The following CTNNA2 variants were observed in gnomAD, a reference collection of about 807,000 sequenced individuals.
CTNNA2 encodes catenin alpha 2, also known as catenin alpha-2.
In CTNNA2, 42 loss-of-function variants were observed where a neutral mutation model predicts 101.0. The ratio of observed to expected loss-of-function variants is 0.42; its 90% CI spans 0.32 to 0.54. CTNNA2 has a LOEUF of 0.54. Among genes scored for constraint, CTNNA2 ranks in the 20% least tolerant of loss-of-function variants. The probability of loss-of-function intolerance (pLI) is 0.14; values close to 1 mark genes in which losing one functional copy is unlikely to be tolerated. For synonymous variants in CTNNA2, 450 were observed against 456.4 expected (o/e 0.99, Z 0.18); for missense variants, 871 against 1,223.1 (o/e 0.71, Z 4.29).
At chr2:80,459,064 G>A (rs879283205) in intron 9 of CTNNA2, among the ~76,000 whole-genome samples, 1 of 152,128 alleles carries the variant, frequency 6.6e-6, no homozygotes, top group Non-Finnish European at 1.5e-5. Context: ...GTATTCAATA[G>A]AGTAACATGC....
At chr2:79,867,206 GATCCTTGACTGTTCAAA>G (rs1331121563) in intron 4 of CTNNA2, among the ~76,000 whole-genome samples, 5 of 152,144 alleles carry the variant, frequency 3.3e-5, no homozygotes, top group East Asian at 1.9e-4. Context: ...AAGGACAAAA[GATCCTTGACTGTTCAAA>G]ATCCTTGACT....
At chr2:79,292,289 A>G (rs1207477956) in intron 2 of CTNNA2, among the ~76,000 whole-genome samples, 3 of 152,166 alleles carry the variant, frequency 2.0e-5, no homozygotes, top group Non-Finnish European at 2.9e-5. Context: ...CCCTGGGGCT[A>G]AAAACTGAAT....
At chr2:80,059,558 A>T (rs1259515456) in intron 7 of CTNNA2, among the ~76,000 whole-genome samples, 4 of 152,196 alleles carry the variant, frequency 2.6e-5, no homozygotes, top group African/African-American at 4.8e-5. Flanking sequence ...GGATACTAGC[A>T]CACTGTTAGG....
intron 3 of CTNNA2, among the ~76,000 whole-genome samples, chr2:79,820,479 T>C (rs1232043685): frequency 2.0e-5 from 3 of 152,216 alleles, no homozygotes; most frequent in Admixed American, 6.5e-5. Flanking sequence ...GAAATCCTTA[T>C]CTTCGGAATG....
intron 9 of CTNNA2, among the ~76,000 whole-genome samples, chr2:80,511,811 GC>G (rs1468899201): frequency 2.0e-5 from 3 of 151,994 alleles, no homozygotes; most frequent in Non-Finnish European, 4.4e-5. Flanking sequence ...TAGAAGTAGA[GC>G]ATCTCCTATA....
intron 9 of CTNNA2, among the ~76,000 whole-genome samples, chr2:80,525,261 C>T (rs981202423): frequency 4.0e-5 from 6 of 151,744 alleles, no homozygotes; most frequent in Non-Finnish European, 8.8e-5. Context: ...GTCTCAGGAC[C>T]CCTCTCCTGC....
At chr2:80,333,411 G>A (rs957676467) in intron 7 of CTNNA2, among the ~76,000 whole-genome samples, 29 of 152,160 alleles carry the variant, frequency 1.9e-4, no homozygotes, top group African/African-American at 5.8e-4. Flanking sequence ...CTTATAGTTT[G>A]TTTAGAGAGC....
chr2:80,024,221 G>A (rs1694778250), intron 7 of CTNNA2, among the ~76,000 whole-genome samples: 1 of 152,016 alleles, frequency 6.6e-6, no homozygotes, highest in Non-Finnish European at 1.5e-5. Context: ...TTGTGATAGA[G>A]AATAGAACAA....
At chr2:80,520,095 C>T (rs1017421239) in intron 9 of CTNNA2, among the ~76,000 whole-genome samples, 4 of 152,116 alleles carry the variant, frequency 2.6e-5, no homozygotes, top group African/African-American at 9.7e-5. Flanking sequence ...CCTCCTCCTC[C>T]AGGAATGCTG....
At chr2:79,826,003 A>G (rs1308520578) in intron 3 of CTNNA2, among the ~76,000 whole-genome samples, 1 of 152,190 alleles carries the variant, frequency 6.6e-6, no homozygotes, top group African/African-American at 2.4e-5. Context: ...CTCTTTTTGC[A>G]TTGTTTTGTT....
chr2:79,583,963 G>GTC (rs1053787713), intron 1 of CTNNA2, among the ~76,000 whole-genome samples: 1 of 152,050 alleles, frequency 6.6e-6, no homozygotes, highest in Non-Finnish European at 1.5e-5. Flanking sequence ...AAATACGCTT[G>GTC]TAACACTTGG....
intron 17 of CTNNA2, among the ~76,000 whole-genome samples, chr2:80,609,329 G>T (rs970870223): frequency 6.6e-6 from 1 of 151,798 alleles, no homozygotes; most frequent in African/African-American, 2.4e-5. Context: ...AACTGTTTTT[G>T]TTCCCATATT....
intron 7 of CTNNA2, among the ~76,000 whole-genome samples, chr2:79,982,090 G>A (rs1437688924): frequency 6.7e-6 from 1 of 149,286 alleles, no homozygotes; most frequent in Non-Finnish European, 1.5e-5. Context: ...CCAGGCTGGA[G>A]TGCAGTGGCA....
At chr2:80,511,697 G>A (rs190348277) in intron 9 of CTNNA2, among the ~76,000 whole-genome samples, 91 of 152,262 alleles carry the variant, frequency 6.0e-4, no homozygotes, top group African/African-American at 2.1e-3. Flanking sequence ...AGAGAATAGA[G>A]TACTGTAATA....
intron 2 of CTNNA2, among the ~76,000 whole-genome samples, chr2:79,216,850 T>A (rs11675892): frequency 5.3e-4 from 80 of 151,956 alleles, no homozygotes; most frequent in African/African-American, 1.8e-3. Flanking sequence ...ACTGCAGTAC[T>A]TGCCACTAAG....
chr2:79,531,207 T>C (rs1257602802), intron 1 of CTNNA2, among the ~76,000 whole-genome samples: 2 of 68,208 alleles, frequency 2.9e-5, no homozygotes, highest in Non-Finnish European at 6.1e-5. Context: ...TATATATATA[T>C]ATATATATAT....
At chr2:79,788,378 A>G (rs1193059343) in intron 3 of CTNNA2, among the ~76,000 whole-genome samples, 1 of 152,146 alleles carries the variant, frequency 6.6e-6, no homozygotes, top group Non-Finnish European at 1.5e-5. Flanking sequence ...AGAGGTAGGA[A>G]TATAGAGGAT....
chr2:79,286,429 G>C (rs575360894), intron 2 of CTNNA2, among the ~76,000 whole-genome samples: 3 of 152,102 alleles, frequency 2.0e-5, no homozygotes, highest in African/African-American at 7.2e-5. Flanking sequence ...TCCTTCAGGA[G>C]CTCTTTTAGG....
chr2:79,850,280 T>G (rs111843036), intron 3 of CTNNA2, among the ~76,000 whole-genome samples: 4,476 of 99,678 alleles, frequency 0.045, 187 homozygotes, highest in African/African-American at 0.14. Flanking sequence ...TCCCTCCTTT[T>G]CTCCTTCCTC....
Sources: allele counts gnomAD v4.1 joint callset (sites outside exome capture counted in the v4.1 genomes callset), GRCh38; gene constraint gnomAD v4.1.1; transcripts MANE v1.5; gene names NCBI Gene and HGNC (gene_info 2026-07-23, HGNC 2026-07-21).